Variants in PCDHA7 observed in about 807,000 individuals in gnomAD.
PCDHA7 encodes protocadherin alpha 7.
Under a neutral mutation model 57.2 loss-of-function variants are expected in PCDHA7, and 37 were observed. The ratio of observed to expected loss-of-function variants is 0.65; its 90% CI spans 0.50 to 0.85. PCDHA7 has a LOEUF of 0.85. Among genes scored for constraint, PCDHA7 ranks in the 40% least tolerant of loss-of-function variants. The pLI is 0.00. For missense variants in PCDHA7, 1,188 were observed against 1,241.8 expected, an observed-to-expected ratio of 0.96 and a Z score of 0.65; for synonymous variants, 553 against 558.8, an observed-to-expected ratio of 0.99 and a Z score of 0.15.
chr5:140,900,167 T>C (rs756471243), intron 1 of PCDHA7, among the ~76,000 whole-genome samples: 1 of 152,238 alleles, frequency 6.6e-6, no homozygotes, highest in Non-Finnish European at 1.5e-5. Context: ...TGTCTTTCTG[T>C]GCCTGGTTTA....
chr5:140,882,132 A>C, intron 1 of PCDHA7: 1 of 1,475,878 alleles, frequency 6.8e-7, no homozygotes. Flanking sequence ...TTCTTCCTGC[A>C]GAAAATATAG....
chr5:140,869,279 T>C, intron 1 of PCDHA7: 1 of 1,613,596 alleles, frequency 6.2e-7, no homozygotes, highest in Non-Finnish European at 8.5e-7. Context: ...CTGGCGGAGC[T>C]GGTGCAGCGC....
chr5:140,868,091 G>T (rs1355947056), intron 1 of PCDHA7: 1 of 151,974 alleles, frequency 6.6e-6, no homozygotes, highest in African/African-American at 2.4e-5. Flanking sequence ...TTTATAAAAT[G>T]ATAATAAAAT....
intron 3 of PCDHA7, among the ~76,000 whole-genome samples, chr5:141,005,808 C>T (rs2153985730): frequency 6.6e-6 from 1 of 150,460 alleles, no homozygotes; most frequent in African/African-American, 2.5e-5. Context: ...CTCCAAGGAG[C>T]CAGGTATGGT....
chr5:140,882,170 C>G, intron 1 of PCDHA7: 1 of 1,513,564 alleles, frequency 6.6e-7, no homozygotes, highest in Non-Finnish European at 8.8e-7. Flanking sequence ...CTTGCGAATC[C>G]TTCCGCACTA....
chr5:140,874,318 T>A (rs1169216245), intron 1 of PCDHA7, among the ~76,000 whole-genome samples: 1 of 151,782 alleles, frequency 6.6e-6, no homozygotes, highest in African/African-American at 2.4e-5. Context: ...AGTTGTAGGA[T>A]CTTATCTGTT....
chr5:140,850,457 C>A lies in PCDHA7; in HGVS notation c.2355+13719C>A. ...GCCTACTGGTGCTGGTGAAAGACCA[C>A]GGGGAGCCAGCGCTGACGGCCACGG... On this transcript the variant is annotated intron_variant, in intron 1 of 3. Transcript: ENST00000525929. The A allele has an allele frequency of 3.1e-6, 5 of 1,597,798 alleles. 1 individual carries two copies. Among genetic ancestry groups the A allele is most frequent in the Non-Finnish European group, 4.3e-6 (5 of 1,167,620 alleles).
In PCDHA7 at chr5:140,852,083, T is replaced by C; in HGVS notation, c.2355+15345T>C. 2 of 899,622 alleles carry C rather than the reference T, an allele frequency of 2.2e-6. 1 individual carries two copies. Among genetic ancestry groups the C allele is most frequent in the Non-Finnish European group, 2.7e-6 (2 of 737,816 alleles). The allele number at this position is 899,622 out of a possible 1,614,324, so 55.7% of individuals were successfully genotyped here. A position where few individuals can be genotyped will look rare whatever the true frequency, so the allele number is the denominator to read the frequency against. On this transcript the variant is annotated intron_variant, in intron 1 of 3. Coordinates refer to ENST00000525929, the MANE Select transcript of PCDHA7 (RefSeq NM_018910.3). The stretch of plus-strand genomic sequence containing the variant: ...TTCTTTCTCTTTCAGCTATTTTATT[T>C]AATATTGTGTCAGATATTTTACAAG...
At chr5:140,955,654 A>G (rs2095214723) in intron 1 of PCDHA7, among the ~76,000 whole-genome samples, 1 of 152,208 alleles carries the variant, frequency 6.6e-6, no homozygotes, top group South Asian at 2.1e-4. Flanking sequence ...TAATACACAT[A>G]TGAATTTTAA....
intron 3 of PCDHA7, among the ~76,000 whole-genome samples, chr5:141,006,369 G>A (rs2098270445): frequency 1.3e-5 from 2 of 151,784 alleles, no homozygotes; most frequent in Admixed American, 6.6e-5. Context: ...CCACCACCAC[G>A]CCCGGCTAAG....
intron 1 of PCDHA7, chr5:140,927,477 G>A: frequency 6.2e-7 from 1 of 1,614,118 alleles, no homozygotes; most frequent in Non-Finnish European, 8.5e-7. Flanking sequence ...ATCGCGAACA[G>A]CGCGCCACCC....
At chr5:140,870,473 C>G (rs1232580918) in intron 1 of PCDHA7, 1 of 1,614,124 alleles carries the variant, frequency 6.2e-7, no homozygotes, top group Non-Finnish European at 8.5e-7. Context: ...TTCGCACAGC[C>G]CGAGTACACC....
intron 1 of PCDHA7, chr5:140,882,775 C>T (rs1554175564): frequency 2.5e-6 from 4 of 1,614,220 alleles, no homozygotes; most frequent in East Asian, 4.5e-5. Flanking sequence ...CGGCATTGAC[C>T]TACCGACTGG....
intron 1 of PCDHA7, among the ~76,000 whole-genome samples, chr5:140,961,103 A>G (rs531762252): frequency 6.6e-6 from 1 of 152,254 alleles, no homozygotes; most frequent in South Asian, 2.1e-4. Context: ...TTGGTCACCC[A>G]ACCCCCTTGC....
chr5:140,904,235 T>A (rs147535141), intron 1 of PCDHA7, among the ~76,000 whole-genome samples: 1,856 of 152,070 alleles, frequency 0.012, 44 homozygotes, highest in African/African-American at 0.042. Flanking sequence ...TACTTATGCC[T>A]TTGCATCCTC....
chr5:140,850,741 C>A, intron 1 of PCDHA7: 1 of 1,597,822 alleles, frequency 6.3e-7, no homozygotes, highest in Non-Finnish European at 8.6e-7. Context: ...GGGAGTTGGT[C>A]GTACTCGCAG....
intron 1 of PCDHA7, chr5:140,863,191 G>A: frequency 1.2e-6 from 1 of 802,224 alleles, no homozygotes; most frequent in Non-Finnish European, 2.1e-6. Flanking sequence ...CACCGTGGTG[G>A]CGTCGCTGGC....
chr5:141,005,626 C>T (rs554956978), intron 3 of PCDHA7, among the ~76,000 whole-genome samples: 5 of 136,646 alleles, frequency 3.7e-5, no homozygotes, highest in South Asian at 4.9e-4. Context: ...GGCGTGAACC[C>T]GGGAGGCGGA....
At chr5:140,874,326 GT>G (rs150189539) in intron 1 of PCDHA7, among the ~76,000 whole-genome samples, 3,860 of 152,194 alleles carry the variant, frequency 0.025, 154 homozygotes, top group African/African-American at 0.088. Flanking sequence ...GATCTTATCT[GT>G]TTTTTTCTCT....
Sources: allele counts gnomAD v4.1 joint callset (sites outside exome capture counted in the v4.1 genomes callset), GRCh38; gene constraint gnomAD v4.1.1; transcripts MANE v1.5; gene names NCBI Gene and HGNC (gene_info 2026-07-23, HGNC 2026-07-21).